Variants in PRKAG2 observed in about 807,000 individuals in gnomAD.
PRKAG2 encodes 5'-AMP-activated protein kinase subunit gamma-2.
Under a neutral mutation model 69.6 loss-of-function variants are expected in PRKAG2, and 26 were observed. The ratio of observed to expected loss-of-function variants is 0.37; its 90% CI spans 0.27 to 0.52. PRKAG2 has a LOEUF of 0.52. Ranked by LOEUF, PRKAG2 falls within the 20% of genes least tolerant of loss-of-function variation. The pLI is 0.90. For missense variants in PRKAG2, 557 were observed against 740.0 expected, an observed-to-expected ratio of 0.75 and a Z score of 2.87; for synonymous variants, 293 against 285.0, an observed-to-expected ratio of 1.03 and a Z score of -0.28.
intron 2 of PRKAG2, among the ~76,000 whole-genome samples, chr7:151,782,240 G>A (rs971010511): frequency 8.6e-5 from 13 of 151,458 alleles, no homozygotes; most frequent in East Asian, 1.9e-4. Flanking sequence ...CCGAGATGGC[G>A]CCATTGCACT....
chr7:151,617,724 T>C (rs1820520043), intron 5 of PRKAG2, among the ~76,000 whole-genome samples: 1 of 152,124 alleles, frequency 6.6e-6, no homozygotes, highest in Admixed American at 6.5e-5. Flanking sequence ...TGTATAAGAA[T>C]GAAATGCATT....
At chr7:151,706,576 T>C (rs1838648632) in intron 3 of PRKAG2, among the ~76,000 whole-genome samples, 1 of 152,186 alleles carries the variant, frequency 6.6e-6, no homozygotes, top group African/African-American at 2.4e-5. Flanking sequence ...ACCAGCACCC[T>C]GACCTGCCTC....
intron 1 of PRKAG2, among the ~76,000 whole-genome samples, chr7:151,874,270 G>A (rs1381060794): frequency 9.4e-6 from 1 of 106,468 alleles, no homozygotes; most frequent in Non-Finnish European, 1.8e-5. Flanking sequence ...ATATGTATAT[G>A]TATATGATAT....
intron 1 of PRKAG2, among the ~76,000 whole-genome samples, chr7:151,829,167 A>C (rs1358158930): frequency 6.6e-6 from 1 of 152,240 alleles, no homozygotes; most frequent in Non-Finnish European, 1.5e-5. Flanking sequence ...AGAACTGTTC[A>C]ACTCAATAGT....
At chr7:151,838,870 C>G (rs529318761) in intron 1 of PRKAG2, among the ~76,000 whole-genome samples, 154 of 152,018 alleles carry the variant, frequency 1.0e-3, no homozygotes, top group African/African-American at 3.4e-3. Flanking sequence ...CAAAAATTAG[C>G]CAGGCGTGTT....
intron 4 of PRKAG2, among the ~76,000 whole-genome samples, chr7:151,649,432 G>A (rs1485623463): frequency 1.3e-5 from 2 of 152,048 alleles, no homozygotes; most frequent in East Asian, 1.9e-4. Flanking sequence ...GGCCAAGACT[G>A]CATTTTTAAG....
chr7:151,688,927 G>A lies in PRKAG2; in HGVS notation c.467-13290C>T, dbSNP rs940155827. Among the ~76,000 whole-genome samples, 87 of 152,222 alleles carry A rather than the reference G, an allele frequency of 5.7e-4. 1 individual carries two copies. The highest frequency in any genetic ancestry group is 2.0e-3 in the African/African-American group (85 of 41,548). ...GTTCCCCTCTCCTCCAGGGTGGCCG[G>A]CCTCCCTGTTCCATCTTCTGAGAGG... On this transcript the variant is annotated intron_variant, in intron 3 of 15. Transcript: ENST00000287878.
intron 5 of PRKAG2, among the ~76,000 whole-genome samples, chr7:151,598,529 A>G (rs1471344846): frequency 6.6e-6 from 1 of 152,202 alleles, no homozygotes; most frequent in Non-Finnish European, 1.5e-5. Context: ...CAATATATAC[A>G]TGTACTAAAA....
intron 1 of PRKAG2, among the ~76,000 whole-genome samples, chr7:151,869,288 T>G (rs981239617): frequency 6.6e-6 from 1 of 152,220 alleles, no homozygotes; most frequent in African/African-American, 2.4e-5. Context: ...ATCAGTAGGC[T>G]GCTCCTCTGC....
chr7:151,752,340 G>T (rs140376219), intron 3 of PRKAG2, among the ~76,000 whole-genome samples: 175 of 152,260 alleles, frequency 1.1e-3, no homozygotes, highest in African/African-American at 4.0e-3. Context: ...TTATGAGTGG[G>T]GGCTAAATAA....
chr7:151,556,966 C>A lies in PRKAG2; in HGVS notation c.*235G>T. ...GGACACAGTGCACTTTAATGACATA[C>A]AGCATTTAAAATCCTTCAGACAAAG... On this transcript the variant is annotated 3_prime_UTR_variant, in exon 16 of 16. Transcript: ENST00000287878. 1 of 590,230 alleles carries A rather than the reference C, an allele frequency of 1.7e-6. No homozygotes were observed. The highest frequency in any genetic ancestry group is 2.9e-6 in the Non-Finnish European group (1 of 341,696). The allele number at this position is 590,230 out of a possible 1,614,324, so 36.6% of individuals were successfully genotyped here.
intron 1 of PRKAG2, among the ~76,000 whole-genome samples, chr7:151,845,694 G>A (rs1328462363): frequency 6.6e-6 from 1 of 152,216 alleles, no homozygotes; most frequent in Non-Finnish European, 1.5e-5. Flanking sequence ...GGAGGTGGCT[G>A]CCAAGTCACC....
intron 3 of PRKAG2, among the ~76,000 whole-genome samples, chr7:151,725,154 G>A (rs1172307426): frequency 3.3e-5 from 5 of 152,112 alleles, no homozygotes; most frequent in African/African-American, 9.7e-5. Flanking sequence ...GTCCATCGAC[G>A]CATGAACAAA....
At chr7:151,775,489 A>C (rs2076295774) in intron 3 of PRKAG2, among the ~76,000 whole-genome samples, 2 of 152,132 alleles carry the variant, frequency 1.3e-5, no homozygotes, top group South Asian at 4.1e-4. Context: ...AATGCCCCCA[A>C]ATCCTTCCAA....
At chr7:151,611,389 G>A (rs1350956775) in intron 5 of PRKAG2, among the ~76,000 whole-genome samples, 2 of 152,222 alleles carry the variant, frequency 1.3e-5, no homozygotes, top group African/African-American at 2.4e-5. Context: ...GCGGTGCAGC[G>A]CTTGCCAGAG....
rs1203783771 is a variant in PRKAG2, at chr7:151,851,380, G to A, written c.114+25127C>T. On this transcript the variant is annotated intron_variant, in intron 1 of 15. Transcript: ENST00000287878. ...AAAAAAAAAAATCACTTCTGCTTTT[G>A]CCAAGCAGCTTCCCTTTTTCTGGAA... 2.6e-5 allele frequency among the ~76,000 whole-genome samples: 4 copies of A among 151,476 alleles called. No homozygotes were observed. In the East Asian group the frequency reaches 5.8e-4, roughly 22 times the overall value.
chr7:151,715,383 T>C (rs1796023183), intron 3 of PRKAG2, among the ~76,000 whole-genome samples: 1 of 149,678 alleles, frequency 6.7e-6, no homozygotes, highest in Admixed American at 6.7e-5. Context: ...AGTTCCTGTC[T>C]GTTGCCCAGG....
At chr7:151,575,866 C>T (rs1180670532) in intron 7 of PRKAG2, among the ~76,000 whole-genome samples, 1 of 108,794 alleles carries the variant, frequency 9.2e-6, no homozygotes, top group Non-Finnish European at 1.8e-5. Context: ...ATAAAAGTTA[C>T]AACAGTGTGT....
chr7:151,837,635 G>C (rs1241582814), intron 1 of PRKAG2: 1 of 152,230 alleles, frequency 6.6e-6, no homozygotes, highest in Non-Finnish European at 1.5e-5. Context: ...GGGAGCAGGG[G>C]AGAGGCTTAG....
Sources: gnomAD v4.1 joint callset for allele counts (sites outside exome capture counted in the v4.1 genomes callset) on GRCh38, gnomAD v4.1.1 for gene constraint, MANE v1.5 for transcripts, NCBI Gene and HGNC (gene_info 2026-07-23, HGNC 2026-07-21) for gene names.